RUNX1T1: variants seen among roughly 807,000 people sequenced by gnomAD.
RUNX1T1 encodes protein CBFA2T1.
RUNX1T1 carries 4 observed loss-of-function variants against 62.8 expected under a neutral mutation model. The ratio of observed to expected loss-of-function variants is 0.06; its 90% CI spans 0.03 to 0.15. The LOEUF (loss-of-function observed/expected upper bound fraction) is 0.15. Among genes scored for constraint, RUNX1T1 ranks in the 10% least tolerant of loss-of-function variants. RUNX1T1 has a pLI of 1.00. For missense variants in RUNX1T1, 508 were observed against 754.3 expected (o/e 0.67, Z 3.82); for synonymous variants, 291 against 286.0 (o/e 1.02, Z -0.18).
intron 5 of RUNX1T1, among the ~76,000 whole-genome samples, chr8:91,993,538 T>C (rs1258356914): frequency 6.6e-6 from 1 of 152,152 alleles, no homozygotes; most frequent in East Asian, 1.9e-4. Flanking sequence ...GGCTTCAATA[T>C]TCTGCTCAGT....
chr8:91,985,996 A>G, intron 8 of RUNX1T1, 128 bp downstream of exon 9: 1 of 735,320 alleles, frequency 1.4e-6, no homozygotes, highest in East Asian at 2.5e-5. Flanking sequence ...GACATATTGG[A>G]GGATATGTAA....
intron 6 of RUNX1T1, among the ~76,000 whole-genome samples, chr8:91,988,570 A>T (rs1262782462): frequency 2.0e-5 from 3 of 152,280 alleles, no homozygotes; most frequent in Admixed American, 2.0e-4. Context: ...GAAAGTGATA[A>T]GGATATAAAT....
At chr8:91,959,113 CAAG>C (rs1044660683) in exon 11 of RUNX1T1, 22 of 217,054 alleles carry the variant, frequency 1.0e-4, no homozygotes, top group Non-Finnish European at 2.0e-4. Flanking sequence ...AACACATTTA[CAAG>C]AAAAACACCA....
intron 1 of RUNX1T1, among the ~76,000 whole-genome samples, chr8:92,048,351 T>C (rs1042553809): frequency 1.1e-4 from 16 of 152,234 alleles, no homozygotes; most frequent in African/African-American, 3.6e-4. Flanking sequence ...GATTTGACAA[T>C]GACCAAAGCT....
intron 1 of RUNX1T1, among the ~76,000 whole-genome samples, chr8:92,061,572 C>T (rs913167158): frequency 3.9e-5 from 6 of 152,230 alleles, no homozygotes; most frequent in Middle Eastern, 3.4e-3. Context: ...TTAGGATGGA[C>T]GAGACACATC....
At chr8:92,028,822 T>C (rs1825727698) in intron 1 of RUNX1T1, among the ~76,000 whole-genome samples, 3 of 152,136 alleles carry the variant, frequency 2.0e-5, no homozygotes, top group Non-Finnish European at 4.4e-5. Context: ...CATAAGCATG[T>C]ATGTTAACAT....
chr8:92,012,281 G>A (rs138625331), intron 3 of RUNX1T1, among the ~76,000 whole-genome samples: 52 of 152,232 alleles, frequency 3.4e-4, no homozygotes, highest in African/African-American at 1.1e-3. Flanking sequence ...AGTGGCTCAC[G>A]CCTGTAATCC....
chr8:91,964,042 C>T (rs1333358916), intron 10 of RUNX1T1, among the ~76,000 whole-genome samples: 1 of 152,096 alleles, frequency 6.6e-6, no homozygotes, highest in South Asian at 2.1e-4. Context: ...AGTCAATTGA[C>T]CAAAGTTAGG....
At chr8:92,008,135 A>ACTGCAAAGCTCT (rs1229375120) in intron 4 of RUNX1T1, among the ~76,000 whole-genome samples, 1 of 152,086 alleles carries the variant, frequency 6.6e-6, no homozygotes, top group Non-Finnish European at 1.5e-5. Context: ...AAAACAATAC[A>ACTGCAAAGCTCT]CTGCAAAGCT....
intron 1 of RUNX1T1, 47 bp from the exon 2 acceptor site, chr8:92,076,184 T>C (rs1834392019): frequency 7.1e-7 from 1 of 1,412,908 alleles, no homozygotes; most frequent in Admixed American, 2.8e-5. Flanking sequence ...TCACAACCAG[T>C]CTGAAGTATC....
At chr8:92,039,122 C>G (rs995355343) in intron 1 of RUNX1T1, among the ~76,000 whole-genome samples, 1 of 151,428 alleles carries the variant, frequency 6.6e-6, no homozygotes, top group Non-Finnish European at 1.5e-5. Context: ...GTGGCCAAAT[C>G]CAAAAGGCAA....
upstream of RUNX1T1, among the ~76,000 whole-genome samples, chr8:92,065,662 A>G (rs1832767982): frequency 6.6e-6 from 1 of 152,206 alleles, no homozygotes; most frequent in African/African-American, 2.4e-5. Flanking sequence ...GTCCACCACA[A>G]ACCTTTCATG....
chr8:92,045,895 A>G (rs967510872), intron 1 of RUNX1T1, among the ~76,000 whole-genome samples: 1 of 152,232 alleles, frequency 6.6e-6, no homozygotes, highest in African/African-American at 2.4e-5. Context: ...CTTTGAGAGG[A>G]TACCTATATA....
intron 6 of RUNX1T1, among the ~76,000 whole-genome samples, chr8:91,990,026 CCTGA>C (rs1399760687): frequency 6.6e-6 from 1 of 152,110 alleles, no homozygotes; most frequent in Non-Finnish European, 1.5e-5. Flanking sequence ...CTCCTCTCAC[CCTGA>C]CTCTCTTTCT....
intron 9 of RUNX1T1, among the ~76,000 whole-genome samples, chr8:91,973,346 G>C (rs1163887561): frequency 6.6e-6 from 1 of 151,432 alleles, no homozygotes; most frequent in Non-Finnish European, 1.5e-5. Context: ...AGTTATAGAG[G>C]AATTTTTTGT....
intron 1 of RUNX1T1, among the ~76,000 whole-genome samples, chr8:92,034,786 A>ATACACATG (rs1563810668): frequency 7.8e-6 from 1 of 127,776 alleles, no homozygotes; most frequent in African/African-American, 3.0e-5. Flanking sequence ...ACACATATAT[A>ATACACATG]TATACATATA....
exon 11 of RUNX1T1, chr8:91,959,368 C>G (rs1175591949): frequency 4.5e-6 from 1 of 222,172 alleles, no homozygotes. Flanking sequence ...TGGCTGATGT[C>G]AAAACTGCCA....
At chr8:92,012,687 T>A (rs1228949647) in intron 3 of RUNX1T1, among the ~76,000 whole-genome samples, 5 of 152,012 alleles carry the variant, frequency 3.3e-5, no homozygotes, top group Non-Finnish European at 7.4e-5. Context: ...TGGCCTTGCA[T>A]ATTTTACTTA....
intron 9 of RUNX1T1, among the ~76,000 whole-genome samples, chr8:91,972,279 T>C (rs747558391): frequency 3.3e-5 from 5 of 152,160 alleles, no homozygotes; most frequent in Non-Finnish European, 7.4e-5. Flanking sequence ...TCTCCACTAG[T>C]AATTAACTGT....
Sources: allele counts gnomAD v4.1 joint callset (sites outside exome capture counted in the v4.1 genomes callset), GRCh38; gene constraint gnomAD v4.1.1; transcripts MANE v1.5; gene names NCBI Gene and HGNC (gene_info 2026-07-23, HGNC 2026-07-21).